The following CACNA2D1 variants were observed in gnomAD, a reference collection of about 807,000 sequenced individuals.
CACNA2D1 encodes calcium voltage-gated channel auxiliary subunit alpha2delta 1.
A neutral mutation model predicts 171.5 loss-of-function variants in CACNA2D1; 53 were observed. The ratio of observed to expected loss-of-function variants is 0.31; its 90% CI spans 0.25 to 0.39. The LOEUF is 0.39. Among genes scored for constraint, CACNA2D1 ranks in the 10% least tolerant of loss-of-function variants. CACNA2D1 has a pLI of 1.00. For missense variants in CACNA2D1, 903 were observed against 1,299.8 expected (o/e 0.69, Z 4.69); for synonymous variants, 442 against 443.1 (o/e 1.00, Z 0.03).
intron 1 of CACNA2D1, among the ~76,000 whole-genome samples, chr7:82,392,456 C>T (rs1031108134): frequency 3.3e-5 from 5 of 152,276 alleles, no homozygotes; most frequent in South Asian, 2.1e-4. Flanking sequence ...GACAAGAACT[C>T]GAGAACCATC....
intron 3 of CACNA2D1, among the ~76,000 whole-genome samples, chr7:82,301,451 C>T (rs1812995059): frequency 6.6e-6 from 1 of 151,906 alleles, no homozygotes; most frequent in Admixed American, 6.6e-5. Context: ...GAGAGTAACC[C>T]AATGTCTTAG....
At chr7:82,060,203 ATATATATAATATATATATAATATAT>A (rs1806605140) in intron 10 of CACNA2D1, among the ~76,000 whole-genome samples, 200 bp downstream of exon 10, 1 of 28,750 alleles carries the variant, frequency 3.5e-5, no homozygotes, top group Non-Finnish European at 6.2e-5. Flanking sequence ...TATATATATT[ATATATATAATATATATATAATATAT>A]ATATATAATA....
intron 1 of CACNA2D1, among the ~76,000 whole-genome samples, chr7:82,360,338 T>A (rs1820956296): frequency 6.6e-6 from 1 of 152,214 alleles, no homozygotes; most frequent in Non-Finnish European, 1.5e-5. Flanking sequence ...AAAACAAGAA[T>A]ACCTAAGTAG....
chr7:82,003,436 C>A (rs184279574), intron 18 of CACNA2D1, among the ~76,000 whole-genome samples: 1 of 151,620 alleles, frequency 6.6e-6, no homozygotes, highest in African/African-American at 2.4e-5. Context: ...ATTTCAAATA[C>A]GAGCCAAATA....
chr7:82,316,093 T>G (rs1274820016), intron 3 of CACNA2D1, among the ~76,000 whole-genome samples: 1 of 152,140 alleles, frequency 6.6e-6, no homozygotes, highest in African/African-American at 2.4e-5. Flanking sequence ...TTTGCTTATG[T>G]TTTAAAACCT....
intron 1 of CACNA2D1, among the ~76,000 whole-genome samples, chr7:82,432,722 G>C (rs1829798169): frequency 6.6e-6 from 1 of 152,110 alleles, no homozygotes. Flanking sequence ...CCTTCTACTG[G>C]GGGCAGGAAG....
chr7:82,383,706 C>A (rs1451790459), intron 1 of CACNA2D1, among the ~76,000 whole-genome samples: 1 of 152,190 alleles, frequency 6.6e-6, no homozygotes, highest in African/African-American at 2.4e-5. Flanking sequence ...CTGTGCCAGG[C>A]ACCCACCTCC....
intron 3 of CACNA2D1, among the ~76,000 whole-genome samples, chr7:82,192,972 G>A (rs570919539): frequency 7.2e-5 from 11 of 151,880 alleles, no homozygotes; most frequent in African/African-American, 2.7e-4. Flanking sequence ...ATTTTATGAA[G>A]GTCGTCTTGA....
chr7:82,050,259 A>G (rs779774630), intron 10 of CACNA2D1: 9 of 260,106 alleles, frequency 3.5e-5, no homozygotes, highest in Non-Finnish European at 6.7e-5. Context: ...AATGTCTGAG[A>G]TTTTATAGCA....
intron 1 of CACNA2D1, among the ~76,000 whole-genome samples, chr7:82,392,798 T>C (rs1363440318): frequency 6.6e-6 from 1 of 152,098 alleles, no homozygotes; most frequent in Admixed American, 6.5e-5. Context: ...CCCATATCAA[T>C]ACAACAATTC....
At chr7:82,393,087 C>CAGGA (rs1563483250) in intron 1 of CACNA2D1, among the ~76,000 whole-genome samples, 3 of 35,240 alleles carry the variant, frequency 8.5e-5, no homozygotes, top group African/African-American at 2.7e-4. Context: ...GGAAGGAAGG[C>CAGGA]AGGCAGGCAG....
At position 82,164,709 on chromosome 7, in the gene CACNA2D1, A is replaced by G. The variant is rs1795260161; in HGVS notation, c.354+5841T>C. Among the ~76,000 whole-genome samples the G allele has an allele frequency of 2.6e-5, 4 of 152,040 alleles. No individual in the cohort carries two copies. In the South Asian group the frequency reaches 8.3e-4, roughly 31 times the overall value. ...CTATTAATAAATGGAGAGTCACTGA[A>G]GATTTTTGAACAAGGATATGAAATG... is the stretch of plus-strand genomic sequence containing the variant. On this transcript the variant is annotated intron_variant, in intron 4 of 38. Transcript: ENST00000356860.
chr7:82,372,493 T>C (rs1822520886), intron 1 of CACNA2D1, among the ~76,000 whole-genome samples: 1 of 152,104 alleles, frequency 6.6e-6, no homozygotes, highest in African/African-American at 2.4e-5. Context: ...ATTTAAGATA[T>C]GAAGGAATTC....
At chr7:82,385,236 C>T (rs958826131) in intron 1 of CACNA2D1, among the ~76,000 whole-genome samples, 2 of 152,226 alleles carry the variant, frequency 1.3e-5, no homozygotes, top group African/African-American at 2.4e-5. Flanking sequence ...ATCTTCACTC[C>T]CACTGCTGGA....
At chr7:82,342,121 G>A (rs1355626866) in intron 2 of CACNA2D1, among the ~76,000 whole-genome samples, 4 of 149,092 alleles carry the variant, frequency 2.7e-5, no homozygotes, top group Non-Finnish European at 5.9e-5. Flanking sequence ...AGTAAATTAT[G>A]GCCTTTTTTT....
rs545942495 is a variant in CACNA2D1, at chr7:82,303,154, C to T, written c.294+31981G>A. Reference sequence around the variant, plus strand: ...GACTACAGGCGCCCGCCACCATGCCCAGCTAATTTTGTTTTTGTATTTTTA... The same window carrying T: ...GACTACAGGCGCCCGCCACCATGCCTAGCTAATTTTGTTTTTGTATTTTTA... On this transcript the variant is annotated intron_variant, in intron 3 of 38. Coordinates refer to ENST00000356860, the MANE Select transcript of CACNA2D1 (RefSeq NM_000722.4). Among the ~76,000 whole-genome samples, 25 of 152,200 alleles carry T rather than the reference C, an allele frequency of 1.6e-4. No individual in the cohort carries two copies. The South Asian group carries it at 4.4e-3, about 27-fold the overall frequency.
chr7:82,229,545 T>G (rs192268243), intron 3 of CACNA2D1, among the ~76,000 whole-genome samples: 59 of 152,234 alleles, frequency 3.9e-4, no homozygotes, highest in African/African-American at 1.4e-3. Flanking sequence ...CCAGAAAATC[T>G]AATATGCTCC....
At chr7:82,328,023 C>T (rs1816860790) in intron 3 of CACNA2D1, among the ~76,000 whole-genome samples, 3 of 152,242 alleles carry the variant, frequency 2.0e-5, no homozygotes, top group East Asian at 3.9e-4. Flanking sequence ...CTCCATCTCA[C>T]TGCCTTGTTT....
chr7:82,416,332 G>A (rs1828166230), intron 1 of CACNA2D1, among the ~76,000 whole-genome samples: 1 of 152,094 alleles, frequency 6.6e-6, no homozygotes, highest in Admixed American at 6.5e-5. Flanking sequence ...ACTGAATAGT[G>A]ATGTCATGAG....
Sources: allele counts gnomAD v4.1 joint callset (sites outside exome capture counted in the v4.1 genomes callset), GRCh38; gene constraint gnomAD v4.1.1; transcripts MANE v1.5; gene names NCBI Gene and HGNC (gene_info 2026-07-23, HGNC 2026-07-21).